The following MSL2 variants were observed in gnomAD, a reference collection of about 807,000 sequenced individuals.
MSL2 encodes MSL complex subunit 2, also known as E3 ubiquitin-protein ligase MSL2.
A neutral mutation model predicts 35.8 loss-of-function variants in MSL2; 2 were observed. That is an observed-to-expected ratio of 0.06 (90% CI 0.02 to 0.18). MSL2 has a LOEUF of 0.18. Ranked by LOEUF, MSL2 falls within the 10% of genes least tolerant of loss-of-function variation. The pLI is 1.00. For synonymous variants in MSL2, 296 were observed against 255.7 expected (o/e 1.16, Z -1.50); for missense variants, 523 against 706.7 (o/e 0.74, Z 2.95).
chr3:136,154,088 A>T lies in MSL2; in HGVS notation c.143-1350T>A, dbSNP rs1288798227. On this transcript the variant is annotated intron_variant, in intron 1 of 1. Coordinates refer to ENST00000309993, the MANE Select transcript of MSL2 (RefSeq NM_018133.4). Reference sequence around the variant, plus strand: ...ACAAGAGCAAAACTCCGTCTCATTTAAAAAAAAAAAAAAAGGAGTTTCAGT... The same window carrying T: ...ACAAGAGCAAAACTCCGTCTCATTTTAAAAAAAAAAAAAAGGAGTTTCAGT... Among the ~76,000 whole-genome samples the T allele has an allele frequency of 5.0e-5, 7 of 139,870 alleles. No individual in the cohort carries two copies. In the East Asian group the frequency reaches 1.0e-3, roughly 21 times the overall value. 91.8% of individuals were successfully genotyped at this position (139,870 alleles called of 152,430 possible). A position where few individuals can be genotyped will look rare whatever the true frequency, so the allele number is the denominator to read the frequency against.
chr3:136,194,499 G>T (rs1328968725), intron 1 of MSL2: 1 of 977,966 alleles, frequency 1.0e-6, no homozygotes, highest in Non-Finnish European at 1.2e-6. Flanking sequence ...TCCGCGCCGG[G>T]TTCTCCAGCT....
chr3:136,167,572 T>C (rs186327180), intron 1 of MSL2, among the ~76,000 whole-genome samples: 6 of 152,304 alleles, frequency 3.9e-5, no homozygotes, highest in African/African-American at 1.4e-4. Flanking sequence ...TAATTTTACA[T>C]AAACCTTTTG....
In MSL2 at chr3:136,150,891, T is replaced by C. The variant is rs1939340633; in HGVS notation, c.*256A>G. 2 of 423,678 alleles carry C rather than the reference T, an allele frequency of 4.7e-6. No homozygotes were observed. The highest frequency in any genetic ancestry group is 7.1e-5 in the East Asian group (2 of 28,000). The allele number at this position is 423,678 out of a possible 1,614,324, so 26.2% of individuals were successfully genotyped here. On this transcript the variant is annotated 3_prime_UTR_variant, in exon 2 of 2. Transcript: ENST00000309993. Reference sequence around the variant, plus strand: ...GTTATTTTTCTTGCCAAAGTTCATTTTGTATAAATCAGTTGCATCAGCTTT... The same window carrying C: ...GTTATTTTTCTTGCCAAAGTTCATTCTGTATAAATCAGTTGCATCAGCTTT...
Position 136,151,426 on chromosome 3 carries a change from A to G in MSL2, c.1455T>C (p.Ser485=). 1 of 1,614,204 alleles carries G rather than the reference A, an allele frequency of 6.2e-7. No individual in the cohort carries two copies. Among genetic ancestry groups the G allele is most frequent in the East Asian group, 2.2e-5 (1 of 44,888 alleles). The part of the protein sequence containing the change: ...TCRGQRCPCY[S]NRKACLDCIC... Reference sequence around the variant, plus strand: ...TACAATCTAAGCAGGCTTTGCGGTTAGAGTAGCAAGGGCAGCGTTGGCCTC... The same window carrying G: ...TACAATCTAAGCAGGCTTTGCGGTTGGAGTAGCAAGGGCAGCGTTGGCCTC... The change falls in exon 2 of 2, where the codon TCT becomes TCC. Residue 485 remains serine, a synonymous_variant. Coordinates refer to ENST00000309993, the MANE Select transcript of MSL2 (RefSeq NM_018133.4). The surrounding 1 kb of genome is among the most constrained non-coding windows in gnomAD (Gnocchi z 5.2).
rs201591292 is a variant in MSL2, at chr3:136,163,764, C to CAGCT, written c.143-11030_143-11027dup. ...AACTGAATCATGGGAGCAGTTTCCC[C>CAGCT]AGCTGTTCTTGTGATAATCAGTTCT... On this transcript the variant is annotated intron_variant, in intron 1 of 1. Transcript: ENST00000309993. Among the ~76,000 whole-genome samples, 1,140 of 152,282 alleles carry CAGCT rather than the reference C, an allele frequency of 7.5e-3. 18 individuals carry two copies. Among genetic ancestry groups the CAGCT allele is most frequent in the African/African-American group, 0.026 (1,076 of 41,548 alleles).
At chr3:136,171,339 A>G (rs1393733092) in intron 1 of MSL2, among the ~76,000 whole-genome samples, 1 of 152,170 alleles carries the variant, frequency 6.6e-6, no homozygotes, top group Non-Finnish European at 1.5e-5. Flanking sequence ...AAAAGGCCTC[A>G]GATGACCCAA....
chr3:136,156,639 C>G (rs1160702705), intron 1 of MSL2, among the ~76,000 whole-genome samples: 1 of 152,118 alleles, frequency 6.6e-6, no homozygotes, highest in Admixed American at 6.5e-5. Context: ...CCAAGGCAGG[C>G]GGATCACGAG....
At chr3:136,182,801 T>C (rs1428345014) in intron 1 of MSL2, among the ~76,000 whole-genome samples, 2 of 151,352 alleles carry the variant, frequency 1.3e-5, no homozygotes, top group East Asian at 3.9e-4. Context: ...AATTAGCACA[T>C]GCGTATAAAC....
intron 1 of MSL2, among the ~76,000 whole-genome samples, chr3:136,155,207 G>GA (rs746345027): frequency 0.01 from 1,391 of 139,016 alleles, 19 homozygotes; most frequent in African/African-American, 0.027. Flanking sequence ...AGACTGTCTG[G>GA]AAAAAAAAAA....
chr3:136,182,427 C>G (rs1313043175), intron 1 of MSL2, among the ~76,000 whole-genome samples: 1 of 152,090 alleles, frequency 6.6e-6, no homozygotes. Flanking sequence ...GACGAACAGG[C>G]GGCACAGGAC....
At chr3:136,169,089 A>C (rs1235504977) in intron 1 of MSL2, among the ~76,000 whole-genome samples, 1 of 151,998 alleles carries the variant, frequency 6.6e-6, no homozygotes, top group Non-Finnish European at 1.5e-5. Context: ...CAAGAGGCGC[A>C]CTTTATCTTG....
In MSL2 at chr3:136,150,922, C is replaced by T; in HGVS notation, c.*225G>A. 2.0e-6 allele frequency: 1 copy of T among 511,682 alleles called. No homozygotes were observed. Among genetic ancestry groups the T allele is most frequent in the East Asian group, 3.0e-5 (1 of 33,256 alleles). The allele number at this position is 511,682 out of a possible 1,614,324, so 31.7% of individuals were successfully genotyped here. A position where few individuals can be genotyped will look rare whatever the true frequency, so the allele number is the denominator to read the frequency against. On this transcript the variant is annotated 3_prime_UTR_variant, in exon 2 of 2. Transcript: ENST00000309993. ...AAATCAGTTGCATCAGCTTTGTTCT[C>T]AAACTATGAGGTTCTGTAAGAACTA...
chr3:136,183,482 G>A (rs796976866), intron 1 of MSL2, among the ~76,000 whole-genome samples: 99 of 152,134 alleles, frequency 6.5e-4, no homozygotes, highest in African/African-American at 2.3e-3. Context: ...GAGTGCAGTG[G>A]CACGACCTCG....
At position 136,149,585 on chromosome 3, in the gene MSL2, A is replaced by C. The variant is rs1939284582; in HGVS notation, c.*1562T>G. The C allele has an allele frequency of 6.9e-6, 1 of 145,598 alleles. No individual in the cohort carries two copies. Among genetic ancestry groups the C allele is most frequent in the Non-Finnish European group, 1.5e-5 (1 of 66,504 alleles). 9.0% of individuals were successfully genotyped at this position (145,598 alleles called of 1,614,324 possible). A position where few individuals can be genotyped will look rare whatever the true frequency, so the allele number is the denominator to read the frequency against. On this transcript the variant is annotated 3_prime_UTR_variant, in exon 2 of 2. Coordinates refer to ENST00000309993, the MANE Select transcript of MSL2 (RefSeq NM_018133.4). ...GCCCACCCCCACCCCACCAAAAGAG[A>C]CCAAAAAAAAAAAAAGAAAAAAAAG... is the stretch of plus-strand genomic sequence containing the variant.
At chr3:136,169,979 A>C (rs1487892147) in intron 1 of MSL2, among the ~76,000 whole-genome samples, 1 of 151,536 alleles carries the variant, frequency 6.6e-6, no homozygotes, top group African/African-American at 2.4e-5. Flanking sequence ...TGAGCCCAGG[A>C]GGTGAAAGAT....
At chr3:136,177,131 G>A (rs922407048) in intron 1 of MSL2, among the ~76,000 whole-genome samples, 6 of 152,064 alleles carry the variant, frequency 3.9e-5, no homozygotes, top group African/African-American at 1.4e-4. Flanking sequence ...GCAAATACAT[G>A]CCTCAAAAAA....
chr3:136,194,215 C>A (rs192792445), intron 1 of MSL2, among the ~76,000 whole-genome samples: 85 of 152,280 alleles, frequency 5.6e-4, no homozygotes, highest in Non-Finnish European at 1.1e-3. Flanking sequence ...AGTTAACATT[C>A]AAATTATCAC....
intron 1 of MSL2, among the ~76,000 whole-genome samples, chr3:136,163,126 G>A (rs1473575782): frequency 6.6e-6 from 1 of 152,116 alleles, no homozygotes; most frequent in Non-Finnish European, 1.5e-5. Flanking sequence ...GGGCATGGTG[G>A]TGGGCGCCTG....
At chr3:136,171,068 T>C (rs1053867395) in intron 1 of MSL2, among the ~76,000 whole-genome samples, 3 of 152,228 alleles carry the variant, frequency 2.0e-5, no homozygotes, top group Non-Finnish European at 4.4e-5. Flanking sequence ...GTAATCATTT[T>C]CTTTCATTAT....
Sources: allele counts gnomAD v4.1 joint callset (sites outside exome capture counted in the v4.1 genomes callset), GRCh38; gene constraint gnomAD v4.1.1; non-coding constraint Gnocchi (gnomAD v3.1); transcripts MANE v1.5; gene names NCBI Gene and HGNC (gene_info 2026-07-23, HGNC 2026-07-21).